The following NIM1K variants were observed in gnomAD, a reference collection of about 807,000 sequenced individuals.
NIM1K encodes NIM1 serine/threonine protein kinase.
In NIM1K, 35 loss-of-function variants were observed where a neutral mutation model predicts 37.1. That is an observed-to-expected ratio of 0.94 (90% CI 0.72 to 1.25). The LOEUF (loss-of-function observed/expected upper bound fraction) is 1.25. Among genes scored for constraint, NIM1K ranks in the 50% most tolerant of loss-of-function variants. The probability of loss-of-function intolerance (pLI) is 0.00; values close to 1 mark genes in which losing one functional copy is unlikely to be tolerated. For missense variants in NIM1K, 564 were observed against 548.0 expected, an observed-to-expected ratio of 1.03 and a Z score of -0.29; for synonymous variants, 234 against 206.6, an observed-to-expected ratio of 1.13 and a Z score of -1.14.
intron 1 of NIM1K, among the ~76,000 whole-genome samples, chr5:43,209,650 G>T (rs192885796): frequency 1.3e-5 from 2 of 151,414 alleles, no homozygotes; most frequent in African/African-American, 2.4e-5. Flanking sequence ...ACAGAGTCTC[G>T]CTCTGTTGCC....
chr5:43,230,970 A>G (rs1250641587), intron 1 of NIM1K, among the ~76,000 whole-genome samples: 2 of 152,274 alleles, frequency 1.3e-5, no homozygotes, highest in African/African-American at 4.8e-5. Context: ...TAATATTACT[A>G]GAAGAGGCAT....
chr5:43,266,996 A>G (rs930855589), intron 2 of NIM1K, among the ~76,000 whole-genome samples: 11 of 152,214 alleles, frequency 7.2e-5, no homozygotes, highest in African/African-American at 2.4e-4. Context: ...CTCTTTCTCA[A>G]TCTTTTTGAA....
intron 2 of NIM1K, among the ~76,000 whole-genome samples, chr5:43,276,187 C>G (rs1753337396): frequency 6.6e-6 from 1 of 152,118 alleles, no homozygotes; most frequent in Admixed American, 6.5e-5. Context: ...GCTGCCGCGC[C>G]CAGCCAAAAT....
Position 43,277,078 on chromosome 5 carries a change from TG to T in NIM1K, c.316del (p.Asp106ThrfsTer5). ...LTKEKVAIKI[L>X]DKTKLDQKTQ... ...GCAGAAAAGGTGGCCATTAAGATCC[TG>T]GACAAGACCAAGTTAGACCAGAAAA... On this transcript the variant is annotated frameshift_variant, in exon 3 of 4. Coordinates refer to ENST00000326035, the MANE Select transcript of NIM1K (RefSeq NM_153361.4). LOFTEE classifies it high-confidence loss of function. 6.2e-7 allele frequency: 1 copy of T among 1,614,024 alleles called. No individual in the cohort carries two copies. The highest frequency in any genetic ancestry group is 8.5e-7 in the Non-Finnish European group (1 of 1,179,976).
intron 1 of NIM1K, among the ~76,000 whole-genome samples, chr5:43,239,170 C>G (rs1752661779): frequency 6.6e-6 from 1 of 151,880 alleles, no homozygotes. Context: ...CACTAATTTT[C>G]TTGCCATCTC....
chr5:43,229,864 C>T (rs992538023), intron 1 of NIM1K, among the ~76,000 whole-genome samples: 1 of 151,866 alleles, frequency 6.6e-6, no homozygotes, highest in Admixed American at 6.6e-5. Context: ...GAACTCCTGA[C>T]CTCGTGATTT....
intron 1 of NIM1K, among the ~76,000 whole-genome samples, chr5:43,223,028 A>G (rs958355122): frequency 6.7e-6 from 1 of 150,220 alleles, no homozygotes; most frequent in African/African-American, 2.4e-5. Flanking sequence ...AATCCCAGCT[A>G]CTCCGGAGGC....
chr5:43,245,606 A>T lies in NIM1K; in HGVS notation c.-170A>T. On this transcript the variant is annotated 5_prime_UTR_variant, in exon 2 of 4. Coordinates refer to ENST00000326035, the MANE Select transcript of NIM1K (RefSeq NM_153361.4). ...CTGGGCAGACTCAGCTACCACGTTCACTGCCTTCCTCTCACTAAAGCCGAG... is the reference window on the plus strand; with the variant it reads ...CTGGGCAGACTCAGCTACCACGTTCTCTGCCTTCCTCTCACTAAAGCCGAG... 1 of 611,128 alleles carries T rather than the reference A, an allele frequency of 1.6e-6. No homozygotes were observed. Among genetic ancestry groups the T allele is most frequent in the Non-Finnish European group, 2.8e-6 (1 of 358,072 alleles). The allele number at this position is 611,128 out of a possible 1,614,324, so 37.9% of individuals were successfully genotyped here. A position where few individuals can be genotyped will look rare whatever the true frequency, so the allele number is the denominator to read the frequency against.
intron 1 of NIM1K, among the ~76,000 whole-genome samples, chr5:43,214,095 A>C (rs1349886337): frequency 6.6e-6 from 1 of 151,244 alleles, no homozygotes; most frequent in Non-Finnish European, 1.5e-5. Flanking sequence ...ATGAGCCACC[A>C]CACCCAGCCA....
chr5:43,206,253 C>T (rs967200388), intron 1 of NIM1K, among the ~76,000 whole-genome samples: 24 of 152,066 alleles, frequency 1.6e-4, no homozygotes, highest in African/African-American at 5.8e-4. Flanking sequence ...GGCGGGGTGG[C>T]TCTATGCCTG....
In NIM1K at chr5:43,272,228, T is replaced by C. The variant is rs752776678; in HGVS notation, c.293-4829T>C. ...AGGTCTTTCCTACCTCAAGATCTTC[T>C]GTCCTACCCATCCCTACTTTTAGAA... is the stretch of plus-strand genomic sequence containing the variant. On this transcript the variant is annotated intron_variant, in intron 2 of 3. Transcript: ENST00000326035. Among the ~76,000 whole-genome samples the C allele has an allele frequency of 3.0e-4, 46 of 152,200 alleles. 1 individual carries two copies. The highest frequency in any genetic ancestry group is 1.3e-4 in the Non-Finnish European group (9 of 68,028).
At chr5:43,255,684 G>A (rs1735952539) in intron 2 of NIM1K, among the ~76,000 whole-genome samples, 2 of 150,734 alleles carry the variant, frequency 1.3e-5, no homozygotes, top group Admixed American at 1.3e-4. Context: ...AGGAGGGGGA[G>A]GTGGCAGTGA....
chr5:43,234,333 A>G (rs6868632), intron 1 of NIM1K, among the ~76,000 whole-genome samples: 11,027 of 152,164 alleles, frequency 0.072, 842 homozygotes, highest in African/African-American at 0.2. Context: ...CTTATTACAA[A>G]TATTATATTT....
chr5:43,192,617 G>C (rs1458677534), intron 1 of NIM1K, among the ~76,000 whole-genome samples: 2 of 152,228 alleles, frequency 1.3e-5, no homozygotes, highest in Non-Finnish European at 2.9e-5. Context: ...ACCTGCCCAG[G>C]CCGATCCGCA....
chr5:43,262,865 T>A (rs1183455565), intron 2 of NIM1K, among the ~76,000 whole-genome samples: 2 of 152,160 alleles, frequency 1.3e-5, no homozygotes, highest in Non-Finnish European at 2.9e-5. Context: ...ATTGAGATAA[T>A]CATGTGGTTT....
chr5:43,198,320 C>CT (rs1751965567), intron 1 of NIM1K, among the ~76,000 whole-genome samples: 1 of 142,914 alleles, frequency 7.0e-6, no homozygotes, highest in Non-Finnish European at 1.5e-5. Context: ...TCCTCCCTTC[C>CT]TTCCTTTCTG....
intron 2 of NIM1K, among the ~76,000 whole-genome samples, chr5:43,275,774 G>C (rs1007037386): frequency 1.3e-5 from 2 of 152,162 alleles, no homozygotes; most frequent in African/African-American, 4.8e-5. Context: ...CCTAGGACAA[G>C]TGTTGCAGAG....
chr5:43,260,815 G>T (rs1753016628), intron 2 of NIM1K, among the ~76,000 whole-genome samples: 1 of 152,072 alleles, frequency 6.6e-6, no homozygotes, highest in Admixed American at 6.6e-5. Context: ...CTGTGTCCAG[G>T]TGTTCTCATT....
At chr5:43,258,384 G>C (rs1274401503) in intron 2 of NIM1K, among the ~76,000 whole-genome samples, 1 of 151,542 alleles carries the variant, frequency 6.6e-6, no homozygotes, top group Non-Finnish European at 1.5e-5. Flanking sequence ...CTAGTTTCCA[G>C]TTTGGGGCTA....
Sources: allele counts gnomAD v4.1 joint callset (sites outside exome capture counted in the v4.1 genomes callset), GRCh38; gene constraint gnomAD v4.1.1; transcripts MANE v1.5; gene names NCBI Gene and HGNC (gene_info 2026-07-23, HGNC 2026-07-21).